CTNND2: variants seen among roughly 807,000 people sequenced by gnomAD.
CTNND2 encodes catenin delta-2.
A neutral mutation model predicts 144.4 loss-of-function variants in CTNND2; 22 were observed. The ratio of observed to expected loss-of-function variants is 0.15; its 90% CI spans 0.11 to 0.22. The LOEUF (loss-of-function observed/expected upper bound fraction) is 0.22, where lower values mean the gene tolerates loss of function less well. Among genes scored for constraint, CTNND2 ranks in the 10% least tolerant of loss-of-function variants. CTNND2 has a pLI of 1.00. For missense variants in CTNND2, 1,353 were observed against 1,618.8 expected (o/e 0.84, Z 2.82); for synonymous variants, 751 against 695.6 (o/e 1.08, Z -1.25).
At chr5:11,723,948 C>G (rs905904824) in intron 2 of CTNND2, among the ~76,000 whole-genome samples, 2 of 151,618 alleles carry the variant, frequency 1.3e-5, no homozygotes, top group Admixed American at 1.3e-4. Context: ...CCCAGCTGCT[C>G]GGGAGCTGTG....
chr5:11,667,359 T>C (rs570794919), intron 2 of CTNND2, among the ~76,000 whole-genome samples: 1 of 152,350 alleles, frequency 6.6e-6, no homozygotes, highest in East Asian at 1.9e-4. Context: ...TCCCCAATGG[T>C]TGAACTAATT....
intron 14 of CTNND2, among the ~76,000 whole-genome samples, chr5:11,099,280 A>G (rs1401330737): frequency 6.6e-6 from 1 of 152,230 alleles, no homozygotes; most frequent in East Asian, 1.9e-4. Flanking sequence ...TCGATAAAAG[A>G]GAGAAAACTG....
At chr5:11,280,356 G>A (rs1561143040) in intron 9 of CTNND2, among the ~76,000 whole-genome samples, 1 of 152,146 alleles carries the variant, frequency 6.6e-6, no homozygotes, top group Non-Finnish European at 1.5e-5. Context: ...CAGACTGGGT[G>A]GATTTAACAA....
At chr5:11,865,160 G>A (rs1795701803) in intron 1 of CTNND2, among the ~76,000 whole-genome samples, 2 of 152,150 alleles carry the variant, frequency 1.3e-5, no homozygotes, top group Non-Finnish European at 2.9e-5. Context: ...CTCCCAAAGT[G>A]TTGGGATTAC....
chr5:11,859,079 A>G (rs1274164440), intron 1 of CTNND2, among the ~76,000 whole-genome samples: 1 of 152,230 alleles, frequency 6.6e-6, no homozygotes, highest in Non-Finnish European at 1.5e-5. Flanking sequence ...TCAAGTCACA[A>G]GGCTAATGGC....
At chr5:11,562,763 T>G (rs904604895) in intron 3 of CTNND2, among the ~76,000 whole-genome samples, 1 of 152,232 alleles carries the variant, frequency 6.6e-6, no homozygotes, top group Non-Finnish European at 1.5e-5. Context: ...TGTATTTTAT[T>G]CAAGACACTT....
chr5:11,863,053 C>A (rs997017814), intron 1 of CTNND2, among the ~76,000 whole-genome samples: 1 of 152,134 alleles, frequency 6.6e-6, no homozygotes, highest in Admixed American at 6.5e-5. Flanking sequence ...AGCAATGCAA[C>A]CTGAGTACAT....
chr5:11,192,615 T>A (rs1014467336), intron 11 of CTNND2, among the ~76,000 whole-genome samples: 1 of 152,064 alleles, frequency 6.6e-6, no homozygotes, highest in Admixed American at 6.5e-5. Flanking sequence ...AGGGATGCAA[T>A]GCTACTGGCT....
chr5:11,811,387 A>C (rs1392196195), intron 1 of CTNND2, among the ~76,000 whole-genome samples: 1 of 152,156 alleles, frequency 6.6e-6, no homozygotes, highest in Non-Finnish European at 1.5e-5. Flanking sequence ...TCCCTGATTG[A>C]GTGTGCATAT....
chr5:11,827,625 A>G (rs945828528), intron 1 of CTNND2, among the ~76,000 whole-genome samples: 2 of 152,208 alleles, frequency 1.3e-5, no homozygotes, highest in Admixed American at 6.5e-5. Flanking sequence ...AACTAAAGAC[A>G]TTAAAAGGAA....
At chr5:11,713,818 A>T (rs369105392) in intron 2 of CTNND2, among the ~76,000 whole-genome samples, 5 of 152,112 alleles carry the variant, frequency 3.3e-5, no homozygotes, top group African/African-American at 1.2e-4. Context: ...GGATTTGAAG[A>T]CTAAAATAAA....
chr5:11,424,857 A>G (rs1466312862), intron 3 of CTNND2, among the ~76,000 whole-genome samples: 3 of 152,180 alleles, frequency 2.0e-5, no homozygotes, highest in African/African-American at 7.2e-5. Context: ...GGAAGAAAAG[A>G]GAAAAAAAGA....
In CTNND2 at chr5:11,593,638, TC is replaced by T. The variant is rs577358917; in HGVS notation, c.175-28583del. On this transcript the variant is annotated intron_variant, in intron 2 of 21. Transcript: ENST00000304623. Reference sequence around the variant, plus strand: ...ATCTGCTGGTTTTATAAAGGGCAGTTCCCCTGCATATGCTCTCTGGCCTTCT... The same window carrying T: ...ATCTGCTGGTTTTATAAAGGGCAGTTCCCTGCATATGCTCTCTGGCCTTCT... 3.7e-3 allele frequency among the ~76,000 whole-genome samples: 566 copies of T among 152,316 alleles called. 3 individuals are homozygous for T. The highest frequency in any genetic ancestry group is 0.013 in the African/African-American group (549 of 41,578).
chr5:11,672,415 G>A, intron 2 of CTNND2, among the ~76,000 whole-genome samples: 1 of 152,170 alleles, frequency 6.6e-6, no homozygotes, highest in East Asian at 1.9e-4. Flanking sequence ...CCGTCCCAGG[G>A]AGATGGGGGT....
At chr5:11,437,930 G>C (rs553889668) in intron 3 of CTNND2, among the ~76,000 whole-genome samples, 2 of 152,330 alleles carry the variant, frequency 1.3e-5, no homozygotes, top group South Asian at 2.1e-4. Flanking sequence ...CTCTTCTGAA[G>C]TACGAGGTCT....
At chr5:11,523,782 T>C (rs1772969574) in intron 3 of CTNND2, among the ~76,000 whole-genome samples, 1 of 152,160 alleles carries the variant, frequency 6.6e-6, no homozygotes, top group Non-Finnish European at 1.5e-5. Context: ...CTCTGCCCCC[T>C]TCTCAGCCAG....
chr5:11,672,319 G>T (rs777260392), intron 2 of CTNND2, among the ~76,000 whole-genome samples: 6 of 152,216 alleles, frequency 3.9e-5, no homozygotes, highest in Non-Finnish European at 8.8e-5. Context: ...TGTGCTGGGA[G>T]AACTGCTGCT....
At chr5:11,413,542 G>A (rs1761705740) in intron 3 of CTNND2, among the ~76,000 whole-genome samples, 1 of 152,086 alleles carries the variant, frequency 6.6e-6, no homozygotes. Flanking sequence ...CTAGAACTCA[G>A]GCATATGGGT....
At chr5:11,649,225 C>T (rs1782522767) in intron 2 of CTNND2, among the ~76,000 whole-genome samples, 1 of 152,148 alleles carries the variant, frequency 6.6e-6, no homozygotes, top group Admixed American at 6.5e-5. Flanking sequence ...AGGTTGCAAA[C>T]ATTAAGTAAC....
Sources: allele counts gnomAD v4.1 joint callset (sites outside exome capture counted in the v4.1 genomes callset), GRCh38; gene constraint gnomAD v4.1.1; transcripts MANE v1.5; gene names NCBI Gene and HGNC (gene_info 2026-07-23, HGNC 2026-07-21).